Variants in PRKCH observed in about 807,000 individuals in gnomAD.
PRKCH encodes protein kinase C eta.
In PRKCH, 28 loss-of-function variants were observed where a neutral mutation model predicts 82.5. The ratio of observed to expected loss-of-function variants is 0.34; its 90% CI spans 0.25 to 0.47. The LOEUF is 0.47. Among genes scored for constraint, PRKCH ranks in the 20% least tolerant of loss-of-function variants. The pLI, the probability that PRKCH is intolerant of heterozygous loss-of-function variation, is 1.00. For synonymous variants in PRKCH, 322 were observed against 327.4 expected, an observed-to-expected ratio of 0.98 and a Z score of 0.18; for missense variants, 705 against 881.8, an observed-to-expected ratio of 0.80 and a Z score of 2.54.
chr14:61,503,750 CA>C (rs1321745334), intron 10 of PRKCH, among the ~76,000 whole-genome samples: 1 of 152,082 alleles, frequency 6.6e-6, no homozygotes, highest in Admixed American at 6.5e-5. Context: ...AAGCATGTCT[CA>C]GGGGCAGCTG....
At chr14:61,499,147 T>C (rs1038499884) in intron 10 of PRKCH, among the ~76,000 whole-genome samples, 3 of 152,196 alleles carry the variant, frequency 2.0e-5, no homozygotes, top group Non-Finnish European at 4.4e-5. Context: ...ATCCCAGTAC[T>C]TAAGCCTGGC....
chr14:61,209,310 T>TAA (rs6145367), intron 1 of PRKCH, among the ~76,000 whole-genome samples: 1 of 92,834 alleles, frequency 1.1e-5, no homozygotes, highest in East Asian at 3.5e-4. Flanking sequence ...TGCCTTTATT[T>TAA]AAAAAAAAAA....
At chr14:61,248,267 G>A (rs1391741158) in intron 1 of PRKCH, among the ~76,000 whole-genome samples, 1 of 152,108 alleles carries the variant, frequency 6.6e-6, no homozygotes, top group Admixed American at 6.5e-5. Flanking sequence ...CCCACCTAGA[G>A]TTACTGGAAA....
In PRKCH at chr14:61,237,394, GA is replaced by G. The variant is rs370636560; in HGVS notation, c.-19+49733del. Among the ~76,000 whole-genome samples the G allele has an allele frequency of 1.5e-3, 227 of 152,192 alleles. 2 individuals are homozygous for G. Among genetic ancestry groups the G allele is most frequent in the African/African-American group, 5.3e-3 (219 of 41,528 alleles). On this transcript the variant is annotated intron_variant, in intron 1 of 3. Transcript: ENST00000555185. ...ATGACCTTACAAAGCTGTCTCTTGT[GA>G]AAAAAATCTACATTCTGTAGAGAAC... is the stretch of plus-strand genomic sequence containing the variant.
At chr14:61,188,034 C>T (rs995126708) in intron 1 of PRKCH, among the ~76,000 whole-genome samples, 9 of 152,204 alleles carry the variant, frequency 5.9e-5, no homozygotes, top group Non-Finnish European at 1.3e-4. Context: ...GCTGTATGAC[C>T]TTGGACAGAT....
chr14:61,497,480 A>G (rs1382237651), intron 10 of PRKCH, among the ~76,000 whole-genome samples: 1 of 152,190 alleles, frequency 6.6e-6, no homozygotes, highest in Non-Finnish European at 1.5e-5. Flanking sequence ...TGTTCCAGTG[A>G]CGGGTATTGG....
intron 1 of PRKCH, among the ~76,000 whole-genome samples, chr14:61,242,900 T>G (rs2044851424): frequency 6.6e-6 from 1 of 152,358 alleles, no homozygotes; most frequent in South Asian, 2.1e-4. Flanking sequence ...TTAGTCTATA[T>G]GCCAGGCACT....
chr14:61,329,758 C>T (rs1423024920), intron 1 of PRKCH, among the ~76,000 whole-genome samples: 1 of 152,182 alleles, frequency 6.6e-6, no homozygotes, highest in African/African-American at 2.4e-5. Flanking sequence ...GGGTTTGGTC[C>T]TCCTCCTAGT....
chr14:61,474,704 A>ATT (rs1212583308), intron 9 of PRKCH, among the ~76,000 whole-genome samples: 5 of 152,220 alleles, frequency 3.3e-5, no homozygotes, highest in Non-Finnish European at 5.9e-5. Flanking sequence ...TTAAAGTATA[A>ATT]TTTTAAAAAA....
At chr14:61,533,357 C>G (rs1234615260) in intron 12 of PRKCH, among the ~76,000 whole-genome samples, 1 of 145,412 alleles carries the variant, frequency 6.9e-6, no homozygotes, top group African/African-American at 2.6e-5. Flanking sequence ...GCATTTTACT[C>G]TCCATGCCTA....
chr14:61,317,717 C>T (rs1289698272), upstream of PRKCH, among the ~76,000 whole-genome samples: 1 of 152,066 alleles, frequency 6.6e-6, no homozygotes, highest in Non-Finnish European at 1.5e-5. Flanking sequence ...TTTCTCTTAC[C>T]TCCCTGGCTA....
intron 1 of PRKCH, among the ~76,000 whole-genome samples, chr14:61,270,098 T>C (rs928854209): frequency 1.3e-5 from 2 of 152,236 alleles, no homozygotes; most frequent in African/African-American, 4.8e-5. Flanking sequence ...AAAATGCTAC[T>C]TATTCCCTTC....
intron 1 of PRKCH, among the ~76,000 whole-genome samples, chr14:61,338,285 T>C (rs947039640): frequency 6.6e-6 from 1 of 152,192 alleles, no homozygotes; most frequent in Non-Finnish European, 1.5e-5. Context: ...TTCTCTGTCT[T>C]GAGTCTGAGT....
rs931340086 is a variant in PRKCH at position 61,413,408 on chromosome 14, C to A, written c.427+22120C>A. 2.3e-3 allele frequency among the ~76,000 whole-genome samples: 71 copies of A among 30,354 alleles called. 5 individuals are homozygous for A. The highest frequency in any genetic ancestry group is 0.02 in the South Asian group (8 of 404). 19.9% of individuals were successfully genotyped at this position (30,354 alleles called of 152,430 possible). A position where few individuals can be genotyped will look rare whatever the true frequency, so the allele number is the denominator to read the frequency against. On this transcript the variant is annotated intron_variant, in intron 2 of 13. Coordinates refer to ENST00000332981, the MANE Select transcript of PRKCH (RefSeq NM_006255.5). ...TTCATCATTTCTTTTTAAGCGCCCC[C>A]CCCCCGCCCCGCCCATGTACCCTGT...
Position 61,443,129 on chromosome 14 carries a change from G to T in PRKCH, c.446G>T (p.Arg149Leu). 1.9e-6 allele frequency: 3 copies of T among 1,613,652 alleles called. No homozygotes were observed. The highest frequency in any genetic ancestry group is 1.1e-5 in the South Asian group (1 of 91,042). ...TATATAGCTACTCTCCAGAGAGACC[G>T]GATCTTCAAACATTTTACCAGGAAG... is the stretch of plus-strand genomic sequence containing the variant. ...SFTEATLQRDRIFKHFTRKRQ... is the reference protein window; with the variant it reads ...SFTEATLQRDLIFKHFTRKRQ... The change falls in exon 3 of 14, where the codon CGG becomes CTG. Residue 149 changes from arginine to leucine, a missense_variant. Physicochemically the swap from Arg to Leu is moderately radical, Grantham distance 102. Coordinates refer to ENST00000332981, the MANE Select transcript of PRKCH (RefSeq NM_006255.5).
chr14:61,478,010 T>TGCCACA (rs1885805120), intron 9 of PRKCH, among the ~76,000 whole-genome samples: 1 of 152,206 alleles, frequency 6.6e-6, no homozygotes. Flanking sequence ...CTGCCACGTG[T>TGCCACA]GCCACAGCCA....
intron 9 of PRKCH, among the ~76,000 whole-genome samples, chr14:61,461,341 G>T (rs1428831901): frequency 6.6e-6 from 1 of 152,202 alleles, no homozygotes; most frequent in African/African-American, 2.4e-5. Flanking sequence ...TAGAGGAGTG[G>T]AGTTACAGCT....
At chr14:61,416,061 T>C (rs1594681656) in intron 2 of PRKCH, among the ~76,000 whole-genome samples, 1 of 137,044 alleles carries the variant, frequency 7.3e-6, no homozygotes, top group Non-Finnish European at 1.6e-5. Flanking sequence ...TTCTTTTTTT[T>C]TTTTTTTTTT....
intron 9 of PRKCH, among the ~76,000 whole-genome samples, chr14:61,462,061 G>A (rs1244584175): frequency 6.6e-6 from 1 of 152,322 alleles, no homozygotes; most frequent in East Asian, 1.9e-4. Flanking sequence ...AGGATAAAGG[G>A]AATGTACCCC....
Sources: allele counts gnomAD v4.1 joint callset (sites outside exome capture counted in the v4.1 genomes callset), GRCh38; gene constraint gnomAD v4.1.1; transcripts MANE v1.5; gene names NCBI Gene and HGNC (gene_info 2026-07-23, HGNC 2026-07-21).